Variants in LIPC observed in about 807,000 individuals in gnomAD.
The protein encoded by LIPC is lipase C, hepatic type.
Under a neutral mutation model 50.7 loss-of-function variants are expected in LIPC, and 44 were observed. The observed-to-expected ratio is 0.87, with a 90% CI of 0.68 to 1.11. The LOEUF is 1.11. LIPC is among the 50% of genes most tolerant of loss of function. LIPC has a pLI of 0.00. For missense variants in LIPC, 697 were observed against 648.2 expected (o/e 1.08, Z -0.82); for synonymous variants, 271 against 256.4 (o/e 1.06, Z -0.54).
intron 8 of LIPC, chr15:58,566,190 C>T (rs1894360293): frequency 1.0e-6 from 1 of 985,396 alleles, no homozygotes; most frequent in Non-Finnish European, 1.2e-6. Flanking sequence ...GAGAGTCCAG[C>T]ATTACACAAC....
chr15:58,500,395 G>C (rs539533477), intron 1 of LIPC, among the ~76,000 whole-genome samples: 4 of 152,254 alleles, frequency 2.6e-5, no homozygotes, highest in African/African-American at 4.8e-5. Flanking sequence ...GCTTGCTCTC[G>C]TCTGAACGTG....
chr15:58,542,873 C>G (rs1178478543), intron 4 of LIPC, among the ~76,000 whole-genome samples: 1 of 152,152 alleles, frequency 6.6e-6, no homozygotes, highest in Non-Finnish European at 1.5e-5. Context: ...TATTGCCTGC[C>G]CTCAAACGAA....
At chr15:58,566,429 T>C in intron 8 of LIPC, 1 of 985,210 alleles carries the variant, frequency 1.0e-6, no homozygotes, top group African/African-American at 1.7e-5. Flanking sequence ...ACTCAGTTGT[T>C]TAGTGATAAA....
chr15:58,433,166 C>T (rs562797988), intron 1 of LIPC, among the ~76,000 whole-genome samples: 2 of 152,300 alleles, frequency 1.3e-5, no homozygotes, highest in South Asian at 4.1e-4. Context: ...AAAAATGACC[C>T]TTACATAATA....
At chr15:58,490,081 A>G (rs1414388579) in intron 1 of LIPC, among the ~76,000 whole-genome samples, 3 of 152,236 alleles carry the variant, frequency 2.0e-5, no homozygotes, top group Non-Finnish European at 2.9e-5. Flanking sequence ...TTTAATCTCA[A>G]ACCAGTCTGA....
chr15:58,475,634 T>C (rs746525213), intron 1 of LIPC, among the ~76,000 whole-genome samples: 20 of 152,322 alleles, frequency 1.3e-4, no homozygotes, highest in Non-Finnish European at 2.6e-4. Flanking sequence ...ATTGCAACCA[T>C]TGGCTCACAC....
intron 8 of LIPC, chr15:58,565,837 G>A (rs1392247598): frequency 3.0e-6 from 3 of 983,622 alleles, no homozygotes; most frequent in Non-Finnish European, 2.4e-6. Context: ...GGTTATGGGA[G>A]CTATAATTTT....
chr15:58,523,287 C>T (rs1892707921), intron 1 of LIPC: 1 of 152,402 alleles, frequency 6.6e-6, no homozygotes, highest in Admixed American at 6.5e-5. Flanking sequence ...GGGGAGTTCT[C>T]TGTGGGGGCC....
chr15:58,532,112 T>C (rs188009949), intron 1 of LIPC, among the ~76,000 whole-genome samples: 1 of 152,238 alleles, frequency 6.6e-6, no homozygotes, highest in Admixed American at 6.5e-5. Context: ...AAAAAGTAAA[T>C]GGGAGGGTCA....
intron 8 of LIPC, chr15:58,565,521 C>A: frequency 7.5e-7 from 1 of 1,333,214 alleles, no homozygotes; most frequent in Non-Finnish European, 9.6e-7. Context: ...GCATTGGTCT[C>A]ACGTGATCTT....
At chr15:58,526,411 A>G (rs1196700581) in intron 1 of LIPC, among the ~76,000 whole-genome samples, 1 of 152,202 alleles carries the variant, frequency 6.6e-6, no homozygotes, top group Non-Finnish European at 1.5e-5. Context: ...AGAGCATCCC[A>G]CAGCTGGAGC....
At chr15:58,486,682 A>G (rs1364374337) in intron 1 of LIPC, among the ~76,000 whole-genome samples, 1 of 152,172 alleles carries the variant, frequency 6.6e-6, no homozygotes, top group Non-Finnish European at 1.5e-5. Flanking sequence ...GACATCTACC[A>G]ATGCAGCACA....
intron 1 of LIPC, among the ~76,000 whole-genome samples, chr15:58,453,379 C>A (rs1893982436): frequency 6.6e-6 from 1 of 151,232 alleles, no homozygotes; most frequent in African/African-American, 2.5e-5. Flanking sequence ...CACCCTCATT[C>A]CGCATTCTCG....
chr15:58,441,946 G>A (rs986391892), intron 1 of LIPC, among the ~76,000 whole-genome samples: 6 of 152,108 alleles, frequency 3.9e-5, no homozygotes, highest in South Asian at 2.1e-4. Context: ...GTTTCTGTTC[G>A]GTGGGCATTG....
At chr15:58,561,393 A>T (rs1894157019) in intron 7 of LIPC, among the ~76,000 whole-genome samples, 1 of 151,268 alleles carries the variant, frequency 6.6e-6, no homozygotes, top group Non-Finnish European at 1.5e-5. Flanking sequence ...TGGTTGAATG[A>T]GTTTATCTAA....
chr15:58,472,237 C>G (rs1317074392), intron 1 of LIPC, among the ~76,000 whole-genome samples: 1 of 143,494 alleles, frequency 7.0e-6, no homozygotes, highest in Non-Finnish European at 1.5e-5. Context: ...CACCATTGCA[C>G]TCCACCCTGG....
chr15:58,486,848 T>C (rs1891393762), intron 1 of LIPC, among the ~76,000 whole-genome samples: 1 of 152,174 alleles, frequency 6.6e-6, no homozygotes, highest in African/African-American at 2.4e-5. Context: ...AATTCAACTA[T>C]AGGTGCTTGG....
intron 1 of LIPC, among the ~76,000 whole-genome samples, chr15:58,510,637 G>C (rs1172132147): frequency 6.6e-6 from 1 of 152,190 alleles, no homozygotes; most frequent in East Asian, 1.9e-4. Flanking sequence ...CCCTAAAGTA[G>C]GGGAAAGAAA....
chr15:58,441,387 G>A (rs753001621), intron 1 of LIPC, among the ~76,000 whole-genome samples: 6 of 152,140 alleles, frequency 3.9e-5, no homozygotes, highest in East Asian at 1.9e-4. Flanking sequence ...GAAATTCCAC[G>A]TCATACTCAC....
Sources: allele counts gnomAD v4.1 joint callset (sites outside exome capture counted in the v4.1 genomes callset), GRCh38; gene constraint gnomAD v4.1.1; transcripts MANE v1.5; gene names NCBI Gene and HGNC (gene_info 2026-07-23, HGNC 2026-07-21).